The following KDM5B variants were observed in gnomAD, a reference collection of about 807,000 sequenced individuals.
KDM5B encodes lysine demethylase 5B.
In KDM5B, 144 loss-of-function variants were observed where a neutral mutation model predicts 193.4. That is an observed-to-expected ratio of 0.74 (90% CI 0.65 to 0.86). The LOEUF (loss-of-function observed/expected upper bound fraction) is 0.86. KDM5B is among the 40% of genes least tolerant of loss of function. The pLI is 0.00. For missense variants in KDM5B, 1,833 were observed against 1,886.9 expected (o/e 0.97, Z 0.53); for synonymous variants, 668 against 682.6 (o/e 0.98, Z 0.33).
intron 12 of KDM5B, among the ~76,000 whole-genome samples, chr1:202,752,432 T>A (rs1201641805): frequency 6.6e-6 from 1 of 151,446 alleles, no homozygotes; most frequent in Non-Finnish European, 1.5e-5. Context: ...GGCTATACCA[T>A]CTAGGTTTGT....
chr1:202,740,323 T>A (rs1655270647), intron 20 of KDM5B, among the ~76,000 whole-genome samples: 1 of 129,564 alleles, frequency 7.7e-6, no homozygotes, highest in African/African-American at 2.8e-5. Context: ...GAGGCGCCCC[T>A]CACCTCCCGG....
chr1:202,791,994 C>T (rs1169290188), intron 1 of KDM5B, among the ~76,000 whole-genome samples: 1 of 152,140 alleles, frequency 6.6e-6, no homozygotes, highest in Non-Finnish European at 1.5e-5. Context: ...GCATGAGCCA[C>T]CTAGGACTTT....
intron 1 of KDM5B, among the ~76,000 whole-genome samples, chr1:202,794,893 TAAC>T (rs1230354106): frequency 6.6e-6 from 1 of 152,104 alleles, no homozygotes; most frequent in Non-Finnish European, 1.5e-5. Flanking sequence ...AGATTAACAA[TAAC>T]AATTAAACAA....
At chr1:202,756,562 C>T (rs1293000738) in intron 9 of KDM5B, 46 bp from the exon 10 acceptor site, 2 of 1,459,932 alleles carry the variant, frequency 1.4e-6, no homozygotes, top group Admixed American at 4.3e-5. Context: ...CACAAACTGT[C>T]TGTGACCAAT....
At chr1:202,758,149 A>G (rs1656093712) in intron 9 of KDM5B, among the ~76,000 whole-genome samples, 2 of 152,190 alleles carry the variant, frequency 1.3e-5, no homozygotes, top group Non-Finnish European at 1.5e-5. Context: ...TTAGTGTTCT[A>G]TTACTGGTGC....
chr1:202,734,876 G>C (rs1157585611), intron 22 of KDM5B, among the ~76,000 whole-genome samples: 2 of 152,190 alleles, frequency 1.3e-5, no homozygotes, highest in Admixed American at 1.3e-4. Flanking sequence ...TCCCACTCTA[G>C]AACGGGCAAT....
Position 202,808,210 on chromosome 1 carries a change from G to A in KDM5B, c.96C>T (p.Cys32=), listed in dbSNP as rs750453486. 2 of 1,612,844 alleles carry A rather than the reference G, an allele frequency of 1.2e-6. No individual in the cohort carries two copies. Among genetic ancestry groups the A allele is most frequent in the Admixed American group, 1.7e-5 (1 of 60,008 alleles). ...PLGEFLPPPE[C]PVFEPSWEEF... is the part of the protein sequence containing the mutation. ...CTTCCCAGCTGGGTTCGAAGACCGG[G>A]CACTCGGGTGGAGGCAGGAACTCGC... The change falls in exon 1 of 27, where the codon TGC becomes TGT. Residue 32 remains cysteine (C), a synonymous_variant. Coordinates refer to ENST00000367265, the MANE Select transcript of KDM5B (RefSeq NM_006618.5).
intron 1 of KDM5B, among the ~76,000 whole-genome samples, chr1:202,797,917 ATAGTGG>A (rs1217867968): frequency 5.3e-5 from 8 of 152,256 alleles, no homozygotes; most frequent in African/African-American, 1.7e-4. Context: ...CAGGCCGGGC[ATAGTGG>A]CTTGTGCCTG....
chr1:202,752,803 G>GA, intron 12 of KDM5B, 102 bp downstream of exon 12: 1 of 1,139,484 alleles, frequency 8.8e-7, no homozygotes, highest in Non-Finnish European at 1.3e-6. Context: ...TCATGCTATG[G>GA]AAAACACAGA....
chr1:202,753,335 A>G (rs183862647), intron 11 of KDM5B, among the ~76,000 whole-genome samples: 1 of 152,190 alleles, frequency 6.6e-6, no homozygotes, highest in African/African-American at 2.4e-5. Flanking sequence ...ATCTCTATTA[A>G]AAATACAAAA....
chr1:202,759,910 C>T (rs1656177180), intron 8 of KDM5B, among the ~76,000 whole-genome samples: 1 of 152,080 alleles, frequency 6.6e-6, no homozygotes, highest in South Asian at 2.1e-4. Flanking sequence ...TATTTTCTGC[C>T]TCTTAACTAC....
chr1:202,794,293 G>A (rs146555131), intron 1 of KDM5B, among the ~76,000 whole-genome samples: 243 of 152,292 alleles, frequency 1.6e-3, no homozygotes, highest in African/African-American at 5.5e-3. Context: ...GTAATTATGT[G>A]GGCTTGATAG....
chr1:202,792,489 A>AG (rs1248535332), intron 1 of KDM5B, among the ~76,000 whole-genome samples: 1 of 152,192 alleles, frequency 6.6e-6, no homozygotes, highest in Non-Finnish European at 1.5e-5. Context: ...TGTGAAGCTG[A>AG]GTGGTCACTG....
In KDM5B at chr1:202,741,373, T is replaced by C; in HGVS notation, c.2939A>G (p.Lys980Arg). Residue 980 changes from lysine (K) to arginine (R), a missense_variant, in exon 19 of 27, where the codon AAG becomes AGG. Lys to Arg is a conservative substitution (Grantham distance 26). Coordinates refer to ENST00000367265, the MANE Select transcript of KDM5B (RefSeq NM_006618.5). ...GAGAAGTCTGCTTTTTCACCTGGCC[T>C]TGAGGAGACTCTTGGCTTTGTCGTC... ...HWDDKAKSLL[K>R]ARPRHSLNSL... 1.3e-6 allele frequency: 2 copies of C among 1,537,198 alleles called. No homozygotes were observed. The highest frequency in any genetic ancestry group is 1.7e-6 in the Non-Finnish European group (2 of 1,144,538).
chr1:202,799,557 G>C (rs1344076163), intron 1 of KDM5B, among the ~76,000 whole-genome samples: 1 of 151,806 alleles, frequency 6.6e-6, no homozygotes, highest in African/African-American at 2.4e-5. Context: ...GAAGGCTGAG[G>C]CAGGAGAATT....
chr1:202,764,122 G>A lies in KDM5B; in HGVS notation c.735C>T (p.Pro245=), dbSNP rs779255690. 14 of 1,564,772 alleles carry A rather than the reference G, an allele frequency of 8.9e-6. No individual in the cohort carries two copies. The highest frequency in any genetic ancestry group is 7.8e-5 in the Admixed American group (4 of 51,170). The part of the protein sequence containing the change: ...RAEAMNIKIE[P]EETTEARTHN... Reference sequence around the variant, plus strand: ...GAGTTCTGGCTTCCGTTGTCTCCTCGGGTTCTATTTTAATATTCATGGCCT... The same window carrying A: ...GAGTTCTGGCTTCCGTTGTCTCCTCAGGTTCTATTTTAATATTCATGGCCT... Residue 245 remains proline, a synonymous_variant, in exon 6 of 27, where the codon CCC becomes CCT. Transcript: ENST00000367265.
chr1:202,771,504 C>T (rs1656718162), intron 4 of KDM5B, among the ~76,000 whole-genome samples: 2 of 152,044 alleles, frequency 1.3e-5, no homozygotes, highest in African/African-American at 2.4e-5. Context: ...ATCCACCTGC[C>T]TCAGCCTCCC....
rs778483855 is a variant in KDM5B at position 202,730,897 on chromosome 1, TCA to T, written c.4176+10_4176+11del. 5.1e-6 allele frequency: 8 copies of T among 1,582,320 alleles called. No homozygotes were observed. The East Asian group carries it at 1.8e-4, about 36-fold the overall frequency. Reference sequence around the variant, plus strand: ...GACTGTGCCTTGCCCCAGAAGCCTCTCAGACACTCACCTTCTCACTGCTGGGT... The same window carrying T: ...GACTGTGCCTTGCCCCAGAAGCCTCTGACACTCACCTTCTCACTGCTGGGT... On this transcript the variant is annotated intron_variant, in intron 25 of 26. Transcript: ENST00000367265.
chr1:202,782,656 T>C (rs67044360), intron 1 of KDM5B, among the ~76,000 whole-genome samples: 28,179 of 152,166 alleles, frequency 0.19, 2,980 homozygotes, highest in Middle Eastern at 0.28. Flanking sequence ...ATTGCGATAA[T>C]GTTTAACTTG....
Sources: gnomAD v4.1 joint callset for allele counts (sites outside exome capture counted in the v4.1 genomes callset) on GRCh38, gnomAD v4.1.1 for gene constraint, MANE v1.5 for transcripts, NCBI Gene and HGNC (gene_info 2026-07-23, HGNC 2026-07-21) for gene names.